The following PSMD1 variants were observed in gnomAD, a reference collection of about 807,000 sequenced individuals.
The protein encoded by PSMD1 is proteasome 26S subunit, non-ATPase 1.
In PSMD1, 18 loss-of-function variants were observed where a neutral mutation model predicts 119.0. The ratio of observed to expected loss-of-function variants is 0.15; its 90% CI spans 0.10 to 0.22. The LOEUF is 0.22. PSMD1 is among the 10% of genes least tolerant of loss of function. The pLI is 1.00. For missense variants in PSMD1, 702 were observed against 1,158.5 expected, an observed-to-expected ratio of 0.61 and a Z score of 5.72; for synonymous variants, 374 against 396.6, an observed-to-expected ratio of 0.94 and a Z score of 0.68.
intron 22 of PSMD1, among the ~76,000 whole-genome samples, chr2:231,165,489 T>G (rs1389541063): frequency 6.6e-6 from 1 of 152,062 alleles, no homozygotes. Context: ...AGGGTACAAA[T>G]CAGTAAAAAG....
At chr2:231,058,839 A>G (rs1363090663) in intron 1 of PSMD1, among the ~76,000 whole-genome samples, 2 of 151,792 alleles carry the variant, frequency 1.3e-5, no homozygotes, top group Non-Finnish European at 2.9e-5. Context: ...TAGCTTCTCA[A>G]TCTTTTGTCT....
intron 4 of PSMD1, 126 bp downstream of exon 4, chr2:231,062,801 C>A: frequency 1.2e-6 from 1 of 807,268 alleles, no homozygotes; most frequent in Non-Finnish European, 1.8e-6. Context: ...CCTAATCTTT[C>A]TATAATAATT....
At chr2:231,151,780 G>T (rs1483700921) in intron 18 of PSMD1, among the ~76,000 whole-genome samples, 1 of 144,014 alleles carries the variant, frequency 6.9e-6, no homozygotes, top group Non-Finnish European at 1.5e-5. Flanking sequence ...TGTCGAACCA[G>T]AATAAAAGCG....
intron 18 of PSMD1, 29 bp from the exon 19 acceptor site, chr2:231,153,535 G>A: frequency 6.9e-7 from 1 of 1,454,950 alleles, no homozygotes; most frequent in Non-Finnish European, 9.6e-7. Flanking sequence ...AGTAGACTTA[G>A]ACTATAATTC....
At chr2:231,119,950 CTTT>C (rs758725665) in intron 16 of PSMD1, among the ~76,000 whole-genome samples, 2 of 135,708 alleles carry the variant, frequency 1.5e-5, no homozygotes, top group African/African-American at 2.7e-5. Flanking sequence ...TCCCGTGTTA[CTTT>C]TTTTTTTTTT....
chr2:231,067,581 T>G (rs902714977), intron 5 of PSMD1, among the ~76,000 whole-genome samples: 1 of 152,222 alleles, frequency 6.6e-6, no homozygotes, highest in Non-Finnish European at 1.5e-5. Context: ...CTCTGTACAC[T>G]AGCCATTTTG....
At chr2:231,172,047 T>C (rs1303556903) in intron 24 of PSMD1, among the ~76,000 whole-genome samples, 1 of 152,328 alleles carries the variant, frequency 6.6e-6, no homozygotes, top group Non-Finnish European at 1.5e-5. Context: ...AGGAAGACTA[T>C]TAGTTTGGGC....
chr2:231,068,638 G>A (rs578029259), intron 5 of PSMD1, among the ~76,000 whole-genome samples: 13 of 152,148 alleles, frequency 8.5e-5, no homozygotes, highest in Middle Eastern at 6.8e-3. Flanking sequence ...TTTCCATCCC[G>A]CATGGGATGT....
intron 7 of PSMD1, among the ~76,000 whole-genome samples, chr2:231,073,349 A>T (rs1694084185): frequency 6.6e-6 from 1 of 152,238 alleles, no homozygotes; most frequent in African/African-American, 2.4e-5. Flanking sequence ...AAGTGGCTCC[A>T]ATAGACTTCC....
chr2:231,080,023 A>G, intron 11 of PSMD1, 118 bp from the exon 12 acceptor site: 1 of 848,330 alleles, frequency 1.2e-6, no homozygotes, highest in Non-Finnish European at 1.7e-6. Context: ...GAGCCCCACT[A>G]CCTCCTTCTC....
At position 231,062,341 on chromosome 2, in the gene PSMD1, A is replaced by G; in HGVS notation, c.134+20A>G. On this transcript the variant is annotated intron_variant, in intron 3 of 24. Transcript: ENST00000308696. ...CAAAATGTAAGAAATTATTTTTATA[A>G]ATCAGAATAAGATGGATCAAATTTA... is the stretch of plus-strand genomic sequence containing the variant. The G allele has an allele frequency of 6.3e-7, 1 of 1,576,208 alleles. No individual in the cohort carries two copies. Among genetic ancestry groups the G allele is most frequent in the Non-Finnish European group, 8.7e-7 (1 of 1,147,770 alleles).
chr2:231,113,897 G>A, intron 16 of PSMD1: 1 of 1,614,092 alleles, frequency 6.2e-7, no homozygotes, highest in South Asian at 1.1e-5. Context: ...AACCAGGCAG[G>A]ACATAGAACA....
intron 4 of PSMD1, among the ~76,000 whole-genome samples, chr2:231,064,414 T>C (rs1693844947): frequency 6.6e-6 from 1 of 152,228 alleles, no homozygotes; most frequent in Non-Finnish European, 1.5e-5. Context: ...TTATGACATA[T>C]ATGCAAACCT....
intron 16 of PSMD1, among the ~76,000 whole-genome samples, chr2:231,127,436 C>T (rs1468422696): frequency 1.3e-5 from 2 of 152,188 alleles, no homozygotes; most frequent in Non-Finnish European, 2.9e-5. Flanking sequence ...CTCACTGCAA[C>T]CTCTGCCTCC....
In PSMD1 at chr2:231,062,271, T is replaced by C. The variant is rs1449601569; in HGVS notation, c.84T>C (p.Asn28=). ...QLKEFALHKL[N]AVVNDFWAEI... is the part of the protein sequence containing the mutation. ...AGGAATTTGCACTACACAAATTGAA[T>C]GCAGTTGTTAATGACTTCTGGGCAG... Residue 28 remains asparagine (N), a synonymous_variant, in exon 3 of 25, where the codon AAT becomes AAC. Transcript: ENST00000308696. 6.2e-7 allele frequency: 1 copy of C among 1,613,212 alleles called. No individual in the cohort carries two copies. Among genetic ancestry groups the C allele is most frequent in the East Asian group, 2.2e-5 (1 of 44,862 alleles).
rs35852025 is a variant in PSMD1 at position 231,163,682 on chromosome 2, A to G, written c.2436A>G (p.Ala812=). ...CGAACTGTAAACCATCCACATTTGC[A>G]TATCCTGCCCCTCTGGAAGTACCAA... ...YKSNCKPSTF[A]YPAPLEVPKE... Residue 812 remains alanine (A), a synonymous_variant, in exon 21 of 25, where the codon GCA becomes GCG. Coordinates refer to ENST00000308696, the MANE Select transcript of PSMD1 (RefSeq NM_002807.4). The G allele has an allele frequency of 4.1e-3, 6,681 of 1,613,304 alleles. 262 individuals carry two copies. The African/African-American group carries it at 0.079, about 19-fold the overall frequency.
Position 231,170,461 on chromosome 2 carries a change from A to T in PSMD1, c.2716-105A>T. The T allele has an allele frequency of 8.1e-7, 1 of 1,236,620 alleles. No homozygotes were observed. The highest frequency in any genetic ancestry group is 1.1e-6 in the Non-Finnish European group (1 of 913,738). The allele number at this position is 1,236,620 out of a possible 1,614,324, so 76.6% of individuals were successfully genotyped here. On this transcript the variant is annotated intron_variant, in intron 23 of 24. Transcript: ENST00000308696. This position sits in a 1 kb window ranked among gnomAD's most constrained non-coding sequence, Gnocchi z 4.1. ...GTTCTACTCCAGTTTTTCACTTCCA[A>T]ATCATTTAAGTAGTTTTAAAGTACC... is the stretch of plus-strand genomic sequence containing the variant.
chr2:231,159,269 T>G (rs768704951), intron 19 of PSMD1, among the ~76,000 whole-genome samples: 1 of 152,208 alleles, frequency 6.6e-6, no homozygotes, highest in Admixed American at 6.5e-5. Context: ...ACTAACTCTG[T>G]TACCATCTAG....
At chr2:231,167,575 C>A (rs1696817699) in intron 23 of PSMD1, among the ~76,000 whole-genome samples, 1 of 152,190 alleles carries the variant, frequency 6.6e-6, no homozygotes, top group Non-Finnish European at 1.5e-5. Flanking sequence ...CCTACACACA[C>A]ACACACACTC....
Sources: gnomAD v4.1 joint callset for allele counts (sites outside exome capture counted in the v4.1 genomes callset) on GRCh38, gnomAD v4.1.1 for gene constraint, Gnocchi (gnomAD v3.1) non-coding constraint, MANE v1.5 for transcripts, NCBI Gene and HGNC (gene_info 2026-07-23, HGNC 2026-07-21) for gene names.